Variants in TMPO observed in about 807,000 individuals in gnomAD.
TMPO encodes the protein LEM domain containing 4.
In TMPO, 22 loss-of-function variants were observed where a neutral mutation model predicts 45.4. The observed-to-expected ratio is 0.48, with a 90% confidence interval of 0.35 to 0.69. The LOEUF (loss-of-function observed/expected upper bound fraction) is 0.69, where lower values mean the gene tolerates loss of function less well. Among genes scored for constraint, TMPO ranks in the 30% least tolerant of loss-of-function variants. TMPO has a pLI of 0.01. For synonymous variants in TMPO, 241 were observed against 204.1 expected (o/e 1.18, Z -1.54); for missense variants, 512 against 548.8 (o/e 0.93, Z 0.67).
In TMPO at chr12:98,533,420, G is replaced by A; in HGVS notation, c.565+1582G>A. ...TATGTCAATTCTCTGTTGGTCCAGG[G>A]TGGGGTAGGTAGTTTGCCTGGAACT... On this transcript the variant is annotated intron_variant, in intron 3 of 8. Coordinates refer to ENST00000556029, the MANE Select transcript of TMPO (RefSeq NM_001032283.3). 1.9e-6 allele frequency: 3 copies of A among 1,614,190 alleles called. No homozygotes were observed. The highest frequency in any genetic ancestry group is 2.2e-5 in the South Asian group (2 of 91,084).
At chr12:98,540,457 C>T (rs967550409) in intron 4 of TMPO, among the ~76,000 whole-genome samples, 3 of 152,216 alleles carry the variant, frequency 2.0e-5, no homozygotes, top group Middle Eastern at 3.2e-3. Flanking sequence ...CAGCTCCCCA[C>T]AACCTCTGCC....
At position 98,544,574 on chromosome 12, in the gene TMPO, T is replaced by C; in HGVS notation, c.879+37T>C. ...TCATAAACTATACAAGTGGTATTCT[T>C]TGTAAATTACCCTTTAATTGGAAAT... On this transcript the variant is annotated intron_variant, in intron 6 of 8. Transcript: ENST00000556029. 3 of 1,530,420 alleles carry C rather than the reference T, an allele frequency of 2.0e-6. No individual in the cohort carries two copies. In the South Asian group the frequency reaches 3.4e-5, roughly 18 times the overall value. The allele number at this position is 1,530,420 out of a possible 1,614,324, so 94.8% of individuals were successfully genotyped here.
intron 4 of TMPO, among the ~76,000 whole-genome samples, chr12:98,542,861 A>AAAAT (rs141976987): frequency 0.23 from 34,571 of 151,892 alleles, 4,676 homozygotes; most frequent in Non-Finnish European, 0.31. Context: ...CTGTCTCAAA[A>AAAAT]AAATAAATAA....
chr12:98,548,176 G>A lies in TMPO; in HGVS notation c.*318G>A. The A allele has an allele frequency of 4.2e-6, 1 of 237,560 alleles. No homozygotes were observed. Among genetic ancestry groups the A allele is most frequent in the Non-Finnish European group, 8.2e-6 (1 of 121,816 alleles). 14.7% of individuals were successfully genotyped at this position (237,560 alleles called of 1,614,324 possible). A position where few individuals can be genotyped will look rare whatever the true frequency, so the allele number is the denominator to read the frequency against. ...ATGTATATGTTTTTTGTGTATTTGGGAAACGAAGGGTGAAACATGGTAGTA... is the reference window on the plus strand; with the variant it reads ...ATGTATATGTTTTTTGTGTATTTGGAAAACGAAGGGTGAAACATGGTAGTA... On this transcript the variant is annotated 3_prime_UTR_variant, in exon 9 of 9. Coordinates refer to ENST00000556029, the MANE Select transcript of TMPO (RefSeq NM_001032283.3).
intron 1 of TMPO, among the ~76,000 whole-genome samples, chr12:98,525,483 G>A (rs556453480): frequency 3.9e-5 from 6 of 152,210 alleles, no homozygotes; most frequent in East Asian, 1.9e-4. Flanking sequence ...GCTCACGCCC[G>A]TAATCCTAGG....
chr12:98,546,166 G>GTATC (rs1878216800), intron 7 of TMPO, among the ~76,000 whole-genome samples, 193 bp from the exon 8 acceptor site: 2 of 152,078 alleles, frequency 1.3e-5, no homozygotes, highest in South Asian at 4.1e-4. Context: ...CATATATAAG[G>GTATC]TATCTTCAAG....
intron 1 of TMPO, among the ~76,000 whole-genome samples, chr12:98,518,116 G>C (rs1176846015): frequency 6.8e-6 from 1 of 146,656 alleles, no homozygotes; most frequent in Non-Finnish European, 1.5e-5. Flanking sequence ...TCGCACTCCA[G>C]CCTGGGGGAC....
intron 3 of TMPO, chr12:98,533,968 A>G: frequency 6.2e-7 from 1 of 1,611,710 alleles, no homozygotes; most frequent in Non-Finnish European, 8.5e-7. Flanking sequence ...AGCACTCTGT[A>G]GAGCATATGA....
chr12:98,530,145 C>A (rs990466306), intron 2 of TMPO, among the ~76,000 whole-genome samples: 2 of 151,846 alleles, frequency 1.3e-5, no homozygotes, highest in Non-Finnish European at 2.9e-5. Context: ...GAAGAGCAGC[C>A]TGGACAACAT....
At chr12:98,546,499 A>G in intron 8 of TMPO, 52 bp downstream of exon 8, 1 of 1,310,114 alleles carries the variant, frequency 7.6e-7, no homozygotes, top group East Asian at 2.3e-5. Context: ...GGGAATCTTT[A>G]TTTTTAATTC....
At chr12:98,527,573 C>A in intron 1 of TMPO, 3 of 204,980 alleles carry the variant, frequency 1.5e-5, no homozygotes, top group South Asian at 8.7e-5. Context: ...TACCCAAAGT[C>A]AGTTTTACTT....
chr12:98,538,293 C>T (rs1474237251), intron 4 of TMPO, among the ~76,000 whole-genome samples: 2 of 152,174 alleles, frequency 1.3e-5, no homozygotes, highest in Non-Finnish European at 2.9e-5. Context: ...TTCCTTACCC[C>T]TGCTATGTCT....
chr12:98,547,428 C>A, intron 8 of TMPO, 145 bp from the exon 9 acceptor site: 1 of 939,434 alleles, frequency 1.1e-6, no homozygotes, highest in Non-Finnish European at 1.6e-6. Context: ...GTTGACTGAC[C>A]TCACTGCTTT....
intron 1 of TMPO, among the ~76,000 whole-genome samples, chr12:98,523,110 G>A (rs1876494365): frequency 1.3e-5 from 2 of 152,178 alleles, no homozygotes; most frequent in Admixed American, 6.5e-5. Context: ...GCTTTCTGGA[G>A]GCAGAATTTA....
chr12:98,518,811 A>T (rs542010137), intron 1 of TMPO, among the ~76,000 whole-genome samples: 6 of 151,910 alleles, frequency 3.9e-5, no homozygotes, highest in Admixed American at 3.3e-4. Context: ...AATTGTGTTT[A>T]TTTACTTGTC....
intron 3 of TMPO, among the ~76,000 whole-genome samples, chr12:98,536,814 T>G (rs1035611787): frequency 6.6e-6 from 1 of 152,236 alleles, no homozygotes; most frequent in Non-Finnish European, 1.5e-5. Context: ...TGGCTTCTTT[T>G]CAAAGAAATG....
intron 1 of TMPO, 64 bp from the exon 2 acceptor site, chr12:98,527,822 G>A: frequency 6.3e-7 from 1 of 1,589,678 alleles, no homozygotes. Flanking sequence ...ATGTTATACA[G>A]GTTATTATCT....
At chr12:98,518,331 G>A (rs1225476557) in intron 1 of TMPO, among the ~76,000 whole-genome samples, 1 of 151,998 alleles carries the variant, frequency 6.6e-6, no homozygotes, top group African/African-American at 2.4e-5. Flanking sequence ...TCGCTTTGTT[G>A]CCCAGGCCGG....
intron 8 of TMPO, 93 bp downstream of exon 8, chr12:98,546,540 G>T: frequency 9.6e-7 from 1 of 1,046,416 alleles, no homozygotes; most frequent in Non-Finnish European, 1.5e-6. Context: ...CTTCTGCTCA[G>T]AATTAAGCTG....
Sources: gnomAD v4.1 joint callset for allele counts (sites outside exome capture counted in the v4.1 genomes callset) on GRCh38, gnomAD v4.1.1 for gene constraint, MANE v1.5 for transcripts, NCBI Gene and HGNC (gene_info 2026-07-23, HGNC 2026-07-21) for gene names.